ADCY9: variants seen among roughly 807,000 people sequenced by gnomAD.
ADCY9 encodes adenylate cyclase 9.
A neutral mutation model predicts 101.5 loss-of-function variants in ADCY9; 50 were observed. That is an observed-to-expected ratio of 0.49 (90% CI 0.39 to 0.62). ADCY9 has a LOEUF of 0.62. Among genes scored for constraint, ADCY9 ranks in the 20% least tolerant of loss-of-function variants. ADCY9 has a pLI of 0.00. For synonymous variants in ADCY9, 905 were observed against 769.3 expected (o/e 1.18, Z -2.92); for missense variants, 1,662 against 1,800.4 (o/e 0.92, Z 1.39).
At chr16:4,037,768 C>T (rs1183735618) in intron 2 of ADCY9, among the ~76,000 whole-genome samples, 1 of 152,170 alleles carries the variant, frequency 6.6e-6, no homozygotes, top group African/African-American at 2.4e-5. Context: ...GCCACGTTTA[C>T]AACTGTCTTT....
At chr16:4,001,621 T>A (rs1388807851) in intron 3 of ADCY9, among the ~76,000 whole-genome samples, 1 of 152,178 alleles carries the variant, frequency 6.6e-6, no homozygotes, top group African/African-American at 2.4e-5. Context: ...CAATCTTGGC[T>A]CACTGCAGCC....
chr16:4,100,573 C>T (rs1414977700), intron 2 of ADCY9, among the ~76,000 whole-genome samples: 1 of 151,828 alleles, frequency 6.6e-6, no homozygotes, highest in Non-Finnish European at 1.5e-5. Flanking sequence ...TCAAGTGATC[C>T]GCCCGCCTCA....
In ADCY9 at chr16:4,114,446, T is replaced by C. The variant is rs372743404; in HGVS notation, c.997A>G (p.Met333Val). ...LEVEKALKER[M>V]IHSVMPRIIA... ...ATTCTTGGCATCACGGAATGAATCA[T>C]CCTCTCTTTGAGGGCTTTTTCCACT... Residue 333 changes from methionine (M) to valine (V), a missense_variant, in exon 2 of 11, where the codon ATG (methionine) becomes GTG (valine). By Grantham distance (21) the Met-to-Val change is conservative. Transcript: ENST00000294016. The surrounding 1 kb of genome is among the most constrained non-coding windows in gnomAD (Gnocchi z 4.3). 2.5e-6 allele frequency: 4 copies of C among 1,614,180 alleles called. No individual in the cohort carries two copies. The highest frequency in any genetic ancestry group is 3.4e-6 in the Non-Finnish European group (4 of 1,180,040).
At chr16:3,990,671 T>C (rs1347711368) in intron 5 of ADCY9, among the ~76,000 whole-genome samples, 2 of 152,070 alleles carry the variant, frequency 1.3e-5, no homozygotes, top group Admixed American at 1.3e-4. Flanking sequence ...CCCTCTCTCC[T>C]CCCCTGACTC....
At position 4,026,963 on chromosome 16, in the gene ADCY9, G is replaced by T. The variant is rs536646548; in HGVS notation, c.1694-19405C>A. 3.3e-4 allele frequency among the ~76,000 whole-genome samples: 50 copies of T among 152,276 alleles called. No individual in the cohort carries two copies. In the Middle Eastern group the frequency reaches 0.014, roughly 42 times the overall value. ...TGCACCTCGTGGCAGATGAAAAATG[G>T]AAAGTACCTCTGATTGGTTCCCTCC... On this transcript the variant is annotated intron_variant, in intron 2 of 10. Transcript: ENST00000294016.
intron 2 of ADCY9, among the ~76,000 whole-genome samples, chr16:4,111,525 G>T (rs1168935643): frequency 6.6e-6 from 1 of 152,150 alleles, no homozygotes; most frequent in Non-Finnish European, 1.5e-5. Flanking sequence ...TCTACAAACT[G>T]TGCTGTCATC....
intron 2 of ADCY9, among the ~76,000 whole-genome samples, chr16:4,080,718 G>GTT (rs35038759): frequency 0.015 from 2,219 of 143,538 alleles, 44 homozygotes; most frequent in East Asian, 0.071. Flanking sequence ...CATTTTTTTC[G>GTT]TTTTTTTTTT....
chr16:3,968,109 A>G (rs1363345109), intron 10 of ADCY9, among the ~76,000 whole-genome samples: 1 of 152,170 alleles, frequency 6.6e-6, no homozygotes, highest in Non-Finnish European at 1.5e-5. Context: ...TATCATCATC[A>G]TACCCAAGAA....
chr16:3,987,706 G>T (rs533009347), intron 6 of ADCY9, among the ~76,000 whole-genome samples: 1 of 152,284 alleles, frequency 6.6e-6, no homozygotes, highest in Non-Finnish European at 1.5e-5. Context: ...GGCTCTACTG[G>T]GCTCACCAGG....
chr16:3,977,412 C>T (rs1416557026), intron 9 of ADCY9, 70 bp downstream of exon 9: 2 of 1,513,300 alleles, frequency 1.3e-6, no homozygotes, highest in Non-Finnish European at 1.8e-6. Context: ...GCAAATGCAG[C>T]CAGGCCCTAC....
At position 4,113,801 on chromosome 16, in the gene ADCY9, C is replaced by A; in HGVS notation, c.1642G>T (p.Gly548Trp). The A allele has an allele frequency of 1.2e-6, 2 of 1,614,094 alleles. No individual in the cohort carries two copies. Among genetic ancestry groups the A allele is most frequent in the Non-Finnish European group, 1.7e-6 (2 of 1,179,986 alleles). ...YLDDRYEMED[G>W]KVIERLGQSV... ...TGGCCCAGCCGTTCAATAACTTTCCCATCTTCCATTTCGTACCGGTCATCT... is the reference window on the plus strand; with the variant it reads ...TGGCCCAGCCGTTCAATAACTTTCCAATCTTCCATTTCGTACCGGTCATCT... Residue 548 changes from glycine to tryptophan, a missense_variant, in exon 2 of 11, where the codon GGG becomes TGG. Physicochemically the swap from Gly to Trp is radical, Grantham distance 184. This residue lies in a region of ADCY9 where 624 missense variants were observed against 639.1 expected (regional missense o/e 0.98). Transcript: ENST00000294016.
Position 3,993,384 on chromosome 16 carries a change from ACAACAGCCAT to A in ADCY9, c.1989+12_1989+21del. 1 of 1,611,476 alleles carries A rather than the reference ACAACAGCCAT, an allele frequency of 6.2e-7. No homozygotes were observed. Among genetic ancestry groups the A allele is most frequent in the Non-Finnish European group, 8.5e-7 (1 of 1,177,666 alleles). ...TGCGCCAGGAGAGGAACTGACAGGA[ACAACAGCCAT>A]GAGCTTGTTACCTTGGTGCTGTTTT... On this transcript the variant is annotated intron_variant, in intron 4 of 10. Coordinates refer to ENST00000294016, the MANE Select transcript of ADCY9 (RefSeq NM_001116.4).
intron 2 of ADCY9, among the ~76,000 whole-genome samples, chr16:4,048,040 TCTC>T (rs1377052787): frequency 1.3e-5 from 2 of 150,456 alleles, no homozygotes; most frequent in African/African-American, 4.9e-5. Flanking sequence ...AGGACCCAGT[TCTC>T]CTCTGTGCTC....
chr16:4,020,122 G>A (rs1397561884), intron 2 of ADCY9, among the ~76,000 whole-genome samples: 5 of 152,120 alleles, frequency 3.3e-5, no homozygotes, highest in Non-Finnish European at 5.9e-5. Flanking sequence ...TGAACTTCCC[G>A]TGATGATGGG....
At chr16:3,999,200 CA>C (rs2056313263) in intron 3 of ADCY9, among the ~76,000 whole-genome samples, 1 of 152,158 alleles carries the variant, frequency 6.6e-6, no homozygotes, top group South Asian at 2.1e-4. Flanking sequence ...ACAACCCTAG[CA>C]GCTGGCTCAC....
chr16:4,043,510 C>A (rs111624159), intron 2 of ADCY9, among the ~76,000 whole-genome samples: 4,959 of 151,526 alleles, frequency 0.033, 281 homozygotes, highest in African/African-American at 0.11. Flanking sequence ...CCCATCTCTA[C>A]TAAAAATACA....
chr16:3,998,900 C>T (rs2056310850), intron 3 of ADCY9, among the ~76,000 whole-genome samples: 1 of 151,990 alleles, frequency 6.6e-6, no homozygotes, highest in African/African-American at 2.4e-5. Flanking sequence ...AGGGTCCCAC[C>T]ATGCAATGGT....
intron 2 of ADCY9, among the ~76,000 whole-genome samples, chr16:4,060,006 C>T (rs1350130212): frequency 6.6e-6 from 1 of 152,226 alleles, no homozygotes; most frequent in Non-Finnish European, 1.5e-5. Flanking sequence ...CCTCAGCTCA[C>T]CCATGCTGCT....
intron 5 of ADCY9, among the ~76,000 whole-genome samples, chr16:3,954,215 G>T (rs1056894520): frequency 6.6e-6 from 1 of 152,222 alleles, no homozygotes; most frequent in Non-Finnish European, 1.5e-5. Context: ...TGAGCTGGCC[G>T]GGGCAGGCTG....
Sources: gnomAD v4.1 joint callset for allele counts (sites outside exome capture counted in the v4.1 genomes callset) on GRCh38, gnomAD v4.1.1 for gene constraint, gnomAD v4.1.1 regional missense constraint, Gnocchi (gnomAD v3.1) non-coding constraint, MANE v1.5 for transcripts, NCBI Gene and HGNC (gene_info 2026-07-23, HGNC 2026-07-21) for gene names.